The following CUX1 variants were observed in gnomAD, a reference collection of about 807,000 sequenced individuals.
The protein encoded by CUX1 is protein CASP.
A neutral mutation model predicts 158.8 loss-of-function variants in CUX1; 31 were observed. The ratio of observed to expected loss-of-function variants is 0.20; its 90% CI spans 0.15 to 0.26. The LOEUF (loss-of-function observed/expected upper bound fraction) is 0.26. Ranked by LOEUF, CUX1 falls within the 10% of genes least tolerant of loss-of-function variation. The probability of loss-of-function intolerance (pLI) is 1.00; values close to 1 mark genes in which losing one functional copy is unlikely to be tolerated. For synonymous variants in CUX1, 879 were observed against 862.1 expected (o/e 1.02, Z -0.34); for missense variants, 1,589 against 2,014.6 (o/e 0.79, Z 4.04).
rs1789826173 is a variant in CUX1, at chr7:102,255,761, C to T, written c.*6719C>T. The T allele has an allele frequency of 2.0e-6, 2 of 985,428 alleles. No homozygotes were observed. Among genetic ancestry groups the T allele is most frequent in the Non-Finnish European group, 2.4e-6 (2 of 829,936 alleles). The allele number at this position is 985,428 out of a possible 1,614,324, so 61.0% of individuals were successfully genotyped here. Reference sequence around the variant, plus strand: ...AAACAAGAGACCATTCAGCAAGACACATTGAAGTGGCACGGAGCTGCTTTT... The same window carrying T: ...AAACAAGAGACCATTCAGCAAGACATATTGAAGTGGCACGGAGCTGCTTTT... On this transcript the variant is annotated 3_prime_UTR_variant, in exon 24 of 24. Coordinates refer to ENST00000292535, the MANE Select transcript of CUX1 (RefSeq NM_181552.4).
At chr7:102,063,828 G>A (rs1825229459) in intron 3 of CUX1, among the ~76,000 whole-genome samples, 2 of 152,192 alleles carry the variant, frequency 1.3e-5, no homozygotes, top group South Asian at 2.1e-4. Flanking sequence ...CTGCGTGCCC[G>A]TGGTCGGGAG....
chr7:102,054,130 C>T (rs762419532), intron 3 of CUX1, among the ~76,000 whole-genome samples: 3 of 152,020 alleles, frequency 2.0e-5, no homozygotes, highest in Non-Finnish European at 2.9e-5. Context: ...TTCTTGGTAG[C>T]GTCTTTAGAA....
At chr7:102,239,637 T>C (rs1323814599) in intron 23 of CUX1, 53 bp downstream of exon 23, 1 of 1,578,234 alleles carries the variant, frequency 6.3e-7, no homozygotes, top group Non-Finnish European at 8.6e-7. Context: ...AAGGGGCTGA[T>C]CTGTCCGGAG....
chr7:102,211,579 G>A (rs982629193), intron 20 of CUX1, among the ~76,000 whole-genome samples: 1 of 151,974 alleles, frequency 6.6e-6, no homozygotes. Context: ...TCAGGAGTTC[G>A]AGACCAGCCT....
intron 8 of CUX1, among the ~76,000 whole-genome samples, chr7:102,148,174 CAG>C (rs1306746963): frequency 6.6e-6 from 1 of 152,042 alleles, no homozygotes; most frequent in Non-Finnish European, 1.5e-5. Context: ...AGAGGCCTCT[CAG>C]AGGAGGGCCA....
At chr7:102,228,238 C>T (rs1554529435) in intron 21 of CUX1, among the ~76,000 whole-genome samples, 1 of 152,018 alleles carries the variant, frequency 6.6e-6, no homozygotes, top group African/African-American at 2.4e-5. Flanking sequence ...GGATCCCAAG[C>T]CAGGCATGAG....
chr7:102,108,969 G>C (rs1237492668), intron 6 of CUX1, among the ~76,000 whole-genome samples: 1 of 152,018 alleles, frequency 6.6e-6, no homozygotes, highest in Non-Finnish European at 1.5e-5. Flanking sequence ...GGCCATGCTG[G>C]TCTTGAACTC....
intron 4 of CUX1, among the ~76,000 whole-genome samples, chr7:102,075,353 A>G (rs1826591718): frequency 1.3e-5 from 2 of 152,170 alleles, no homozygotes; most frequent in African/African-American, 4.8e-5. Flanking sequence ...TTGAGACGCC[A>G]CTTCCTGACA....
At chr7:101,854,630 A>T (rs1175563114) in intron 1 of CUX1, among the ~76,000 whole-genome samples, 1 of 152,176 alleles carries the variant, frequency 6.6e-6, no homozygotes, top group African/African-American at 2.4e-5. Flanking sequence ...GGAGTAAGAA[A>T]TGACACCCTG....
At chr7:101,831,572 G>A (rs767417961) in intron 1 of CUX1, among the ~76,000 whole-genome samples, 10 of 151,840 alleles carry the variant, frequency 6.6e-5, no homozygotes, top group South Asian at 4.2e-4. Context: ...GATTACAGCC[G>A]TGAGCCACCA....
chr7:102,101,413 G>T (rs1416072997), intron 5 of CUX1, among the ~76,000 whole-genome samples: 2 of 152,156 alleles, frequency 1.3e-5, no homozygotes, highest in African/African-American at 4.8e-5. Flanking sequence ...TGGGCCAGAA[G>T]GCCAGAGGCG....
intron 8 of CUX1, among the ~76,000 whole-genome samples, chr7:102,140,823 C>T (rs1385289564): frequency 6.6e-6 from 1 of 151,726 alleles, no homozygotes; most frequent in African/African-American, 2.4e-5. Context: ...CAAGATCATG[C>T]CACTGTACTC....
chr7:102,206,326 CG>C (rs1386896658), intron 20 of CUX1, among the ~76,000 whole-genome samples: 2 of 152,136 alleles, frequency 1.3e-5, no homozygotes, highest in Non-Finnish European at 2.9e-5. Flanking sequence ...CTAGGTGGAG[CG>C]GGTGCCCATT....
chr7:101,865,335 C>T (rs1243364994), intron 1 of CUX1, among the ~76,000 whole-genome samples: 1 of 152,220 alleles, frequency 6.6e-6, no homozygotes, highest in Non-Finnish European at 1.5e-5. Flanking sequence ...TTCTTCTTTG[C>T]AGTGGATGTG....
Position 101,843,140 on chromosome 7 carries a change from A to G in CUX1, c.30+25471A>G, listed in dbSNP as rs543861865. 2.0e-5 allele frequency among the ~76,000 whole-genome samples: 3 copies of G among 152,278 alleles called. No homozygotes were observed. The East Asian group carries it at 5.8e-4, about 29-fold the overall frequency. On this transcript the variant is annotated intron_variant, in intron 1 of 23. Transcript: ENST00000292535. ...CTCAGCCTCCCAAAGTGCTGGGATTACAGGCGTGAGCCACCGTGCCTGGCC... is the reference window on the plus strand; with the variant it reads ...CTCAGCCTCCCAAAGTGCTGGGATTGCAGGCGTGAGCCACCGTGCCTGGCC...
rs1475154613 is a variant in CUX1, at chr7:102,255,849, G to A, written c.*6807G>A. ...TTTTTATTATTTTATTATTTTTTTT[G>A]TACTTTGCTTTAAACGGAAAGCACT... On this transcript the variant is annotated 3_prime_UTR_variant, in exon 24 of 24. Coordinates refer to ENST00000292535, the MANE Select transcript of CUX1 (RefSeq NM_181552.4). 4.1e-6 allele frequency: 4 copies of A among 981,080 alleles called. No homozygotes were observed. The African/African-American group carries it at 7.1e-5, about 17-fold the overall frequency. The allele number at this position is 981,080 out of a possible 1,614,324, so 60.8% of individuals were successfully genotyped here.
intron 1 of CUX1, among the ~76,000 whole-genome samples, chr7:101,829,627 A>G (rs1447511600): frequency 4.7e-5 from 6 of 128,126 alleles, no homozygotes; most frequent in African/African-American, 1.8e-4. Context: ...GCCGCCCAAG[A>G]TGAGCTTGGC....
chr7:102,060,551 CAG>C (rs1824684220), intron 3 of CUX1, among the ~76,000 whole-genome samples: 1 of 141,304 alleles, frequency 7.1e-6, no homozygotes, highest in Non-Finnish European at 1.6e-5. Flanking sequence ...ATCAAGGCTT[CAG>C]TATATATATA....
At position 101,876,352 on chromosome 7, in the gene CUX1, A is replaced by C. The variant is rs950933118; in HGVS notation, c.31-39763A>C. Among the ~76,000 whole-genome samples the C allele has an allele frequency of 6.1e-5, 9 of 146,784 alleles. No individual in the cohort carries two copies. The East Asian group carries it at 1.2e-3, about 20-fold the overall frequency. On this transcript the variant is annotated intron_variant, in intron 1 of 23. Transcript: ENST00000292535. ...AGATTAAAAAAAAAACAAAAAAAAA[A>C]CCTGATTTGCAACAATTTTGTGTCC... is the stretch of plus-strand genomic sequence containing the variant.
Sources: gnomAD v4.1 joint callset for allele counts (sites outside exome capture counted in the v4.1 genomes callset) on GRCh38, gnomAD v4.1.1 for gene constraint, MANE v1.5 for transcripts, NCBI Gene and HGNC (gene_info 2026-07-23, HGNC 2026-07-21) for gene names.